NAPEPLD: variants seen among roughly 807,000 people sequenced by gnomAD.
NAPEPLD encodes the protein N-acyl phosphatidylethanolamine phospholipase D, also known as N-acyl-phosphatidylethanolamine-hydrolyzing phospholipase D.
A neutral mutation model predicts 38.1 loss-of-function variants in NAPEPLD; 23 were observed. That is an observed-to-expected ratio of 0.60 (90% CI 0.43 to 0.86). NAPEPLD has a LOEUF of 0.86. Ranked by LOEUF, NAPEPLD falls within the 40% of genes least tolerant of loss-of-function variation. The probability of loss-of-function intolerance (pLI) is 0.00; values close to 1 mark genes in which losing one functional copy is unlikely to be tolerated. For missense variants in NAPEPLD, 411 were observed against 476.8 expected (o/e 0.86, Z 1.28); for synonymous variants, 147 against 162.0 (o/e 0.91, Z 0.71).
In NAPEPLD at chr7:103,102,306, C is replaced by T. The variant is rs1188440136; in HGVS notation, c.*1123G>A. 6.6e-6 allele frequency: 1 copy of T among 152,046 alleles called. No homozygotes were observed. The highest frequency in any genetic ancestry group is 2.1e-4 in the South Asian group (1 of 4,812). 9.4% of individuals were successfully genotyped at this position (152,046 alleles called of 1,614,324 possible). Reference sequence around the variant, plus strand: ...AATGGCATAAATCATATTCTCATAGCCACACTCCTTCCCTTCCTCTGCTCA... The same window carrying T: ...AATGGCATAAATCATATTCTCATAGTCACACTCCTTCCCTTCCTCTGCTCA... On this transcript the variant is annotated 3_prime_UTR_variant, in exon 5 of 5. Transcript: ENST00000465647.
In NAPEPLD at chr7:103,128,601, T is replaced by G; in HGVS notation, c.176A>C (p.Lys59Thr). ...RLEEDVTKSK[K>T]GKDGRFVNPW... ...ATTCACAAATCTCCCATCTTTTCCTTTCTTGGATTTAGTTACATCTTCTTC... is the reference window on the plus strand; with the variant it reads ...ATTCACAAATCTCCCATCTTTTCCTGTCTTGGATTTAGTTACATCTTCTTC... Residue 59 changes from lysine to threonine, a missense_variant, in exon 2 of 5, where the codon AAA (lysine) becomes ACA (threonine). By Grantham distance (78) the Lys-to-Thr change is moderately conservative. Coordinates refer to ENST00000465647, the MANE Select transcript of NAPEPLD (RefSeq NM_001122838.3). 2.5e-6 allele frequency: 4 copies of G among 1,614,216 alleles called. No homozygotes were observed. The highest frequency in any genetic ancestry group is 3.4e-6 in the Non-Finnish European group (4 of 1,180,032).
chr7:103,136,500 T>A (rs1697759967), intron 1 of NAPEPLD, among the ~76,000 whole-genome samples: 1 of 147,034 alleles, frequency 6.8e-6, no homozygotes, highest in Admixed American at 6.9e-5. Context: ...GGCAGGAGAA[T>A]CACTTGAACC....
At position 103,103,442 on chromosome 7, in the gene NAPEPLD, TCA is replaced by T; in HGVS notation, c.1167_1168del (p.Asp389GlufsTer2). 6.4e-7 allele frequency: 1 copy of T among 1,562,234 alleles called. No homozygotes were observed. Among genetic ancestry groups the T allele is most frequent in the Non-Finnish European group, 8.6e-7 (1 of 1,163,640 alleles). ...TGCTCACATTTATTAAAAGTTTTCA[TCA>T]TCATTATTTAGGTATCTTGATTCTC... is the stretch of plus-strand genomic sequence containing the variant. On this transcript the variant is annotated frameshift_variant, in exon 5 of 5. Coordinates refer to ENST00000465647, the MANE Select transcript of NAPEPLD (RefSeq NM_001122838.3). LOFTEE classifies it high-confidence loss of function.
chr7:103,132,291 G>A (rs1809110673), intron 1 of NAPEPLD, among the ~76,000 whole-genome samples: 1 of 152,176 alleles, frequency 6.6e-6, no homozygotes, highest in Non-Finnish European at 1.5e-5. Context: ...CTTTTTAATA[G>A]TGAATAGCAA....
intron 4 of NAPEPLD, among the ~76,000 whole-genome samples, chr7:103,106,865 G>C (rs1458796086): frequency 1.3e-5 from 2 of 152,172 alleles, no homozygotes; most frequent in African/African-American, 4.8e-5. Flanking sequence ...GCTCTGAAAA[G>C]AGCACTGGTT....
chr7:103,100,061 C>G lies in NAPEPLD; in HGVS notation c.*3368G>C, dbSNP rs1367204663. Reference sequence around the variant, plus strand: ...GCAAGACTGTTTCCATAGGAAGTCACAAATCCTCAAACAGAAATATGTGTG... The same window carrying G: ...GCAAGACTGTTTCCATAGGAAGTCAGAAATCCTCAAACAGAAATATGTGTG... On this transcript the variant is annotated 3_prime_UTR_variant, in exon 5 of 5. Coordinates refer to ENST00000465647, the MANE Select transcript of NAPEPLD (RefSeq NM_001122838.3). 6.6e-6 allele frequency: 1 copy of G among 152,102 alleles called. No individual in the cohort carries two copies. Among genetic ancestry groups the G allele is most frequent in the African/African-American group, 2.4e-5 (1 of 41,424 alleles). The allele number at this position is 152,102 out of a possible 1,614,324, so 9.4% of individuals were successfully genotyped here.
chr7:103,139,270 T>C (rs140909167), intron 1 of NAPEPLD, among the ~76,000 whole-genome samples: 2 of 152,316 alleles, frequency 1.3e-5, no homozygotes, highest in African/African-American at 4.8e-5. Flanking sequence ...ATCTAAGTCC[T>C]AGCTCTCCAG....
chr7:103,129,627 A>G (rs1808515195), intron 1 of NAPEPLD, among the ~76,000 whole-genome samples: 1 of 152,220 alleles, frequency 6.6e-6, no homozygotes, highest in Non-Finnish European at 1.5e-5. Flanking sequence ...TGGAAAGGAG[A>G]TAACACATTA....
At chr7:103,114,304 G>A (rs1419559106) in intron 4 of NAPEPLD, among the ~76,000 whole-genome samples, 1 of 152,190 alleles carries the variant, frequency 6.6e-6, no homozygotes, top group Non-Finnish European at 1.5e-5. Flanking sequence ...TAGTGGCAGA[G>A]TTCTAGGGTC....
upstream of NAPEPLD, among the ~76,000 whole-genome samples, chr7:103,149,867 C>G (rs1312999283): frequency 3.7e-4 from 57 of 152,176 alleles, 1 homozygote; most frequent in Non-Finnish European, 1.5e-5. Flanking sequence ...CATTTGAATA[C>G]TTACAGCCTA....
intron 3 of NAPEPLD, 102 bp from the exon 4 acceptor site, chr7:103,115,276 T>G: frequency 1.3e-6 from 1 of 789,810 alleles, no homozygotes. Context: ...CGCAGGACTA[T>G]GGATGTTGAG....
intron 2 of NAPEPLD, among the ~76,000 whole-genome samples, chr7:103,124,672 C>A (rs577989808): frequency 3.4e-4 from 51 of 152,160 alleles, no homozygotes; most frequent in African/African-American, 1.1e-3. Context: ...TTACTTTTCT[C>A]GGGAAAAGGG....
chr7:103,119,480 T>G (rs563272790), intron 3 of NAPEPLD, 97 bp downstream of exon 3: 1 of 1,367,704 alleles, frequency 7.3e-7, no homozygotes, highest in African/African-American at 1.5e-5. Context: ...ACCATTAAAA[T>G]CATAAATTAC....
At chr7:103,125,916 A>C in intron 2 of NAPEPLD, among the ~76,000 whole-genome samples, 1 of 141,968 alleles carries the variant, frequency 7.0e-6, no homozygotes. Context: ...AATAATAATA[A>C]TAATAAATAA....
At chr7:103,132,190 A>G (rs551998792) in intron 1 of NAPEPLD, among the ~76,000 whole-genome samples, 1 of 152,326 alleles carries the variant, frequency 6.6e-6, no homozygotes, top group South Asian at 2.1e-4. Context: ...TAGAACACCC[A>G]ATAACACTGA....
At chr7:103,138,572 G>T (rs929424071) in intron 1 of NAPEPLD, among the ~76,000 whole-genome samples, 1 of 151,428 alleles carries the variant, frequency 6.6e-6, no homozygotes, top group African/African-American at 2.4e-5. Context: ...AGGTTCAAAC[G>T]ATTCTCCTGC....
At chr7:103,115,249 C>T in intron 3 of NAPEPLD, 75 bp from the exon 4 acceptor site, 1 of 1,095,812 alleles carries the variant, frequency 9.1e-7, no homozygotes, top group South Asian at 1.4e-5. Context: ...TTCACTTAAC[C>T]AAACTTTAAG....
chr7:103,126,934 T>C (rs1807947955), intron 2 of NAPEPLD: 2 of 152,020 alleles, frequency 1.3e-5, no homozygotes, highest in African/African-American at 4.8e-5. Context: ...AGCCATGTAA[T>C]ATTTTTAAAA....
chr7:103,107,857 T>G (rs1333350374), intron 4 of NAPEPLD, among the ~76,000 whole-genome samples: 2 of 152,118 alleles, frequency 1.3e-5, no homozygotes, highest in African/African-American at 4.8e-5. Context: ...TTCCCCAACC[T>G]AGCAAGACAG....
Sources: allele counts gnomAD v4.1 joint callset (sites outside exome capture counted in the v4.1 genomes callset), GRCh38; gene constraint gnomAD v4.1.1; transcripts MANE v1.5; gene names NCBI Gene and HGNC (gene_info 2026-07-23, HGNC 2026-07-21).